PKP1: variants seen among roughly 807,000 people sequenced by gnomAD.
The protein encoded by PKP1 is plakophilin-1.
PKP1 carries 27 observed loss-of-function variants against 76.4 expected under a neutral mutation model. The ratio of observed to expected loss-of-function variants is 0.35; its 90% CI spans 0.26 to 0.49. The LOEUF is 0.49. PKP1 is among the 20% of genes least tolerant of loss of function. PKP1 has a pLI of 0.99. For missense variants in PKP1, 964 were observed against 955.2 expected, an observed-to-expected ratio of 1.01 and a Z score of -0.12; for synonymous variants, 404 against 384.2, an observed-to-expected ratio of 1.05 and a Z score of -0.60.
chr1:201,308,476 G>T (rs1244491059), intron 2 of PKP1, among the ~76,000 whole-genome samples: 2 of 152,210 alleles, frequency 1.3e-5, no homozygotes, highest in African/African-American at 4.8e-5. Context: ...AAGACCAGAG[G>T]CCCCTGGCTT....
chr1:201,315,588 T>C (rs1225959844), intron 3 of PKP1, among the ~76,000 whole-genome samples: 1 of 152,112 alleles, frequency 6.6e-6, no homozygotes, highest in Non-Finnish European at 1.5e-5. Context: ...CTGGCCAGGG[T>C]ACAGTGAAGG....
chr1:201,325,948 G>C (rs545848945), intron 12 of PKP1, 110 bp downstream of exon 12: 1 of 762,372 alleles, frequency 1.3e-6, no homozygotes, highest in South Asian at 1.5e-5. Flanking sequence ...CCTGCCCTTC[G>C]GGACAGTCTG....
chr1:201,296,198 G>A (rs1486499244), intron 2 of PKP1, among the ~76,000 whole-genome samples: 1 of 152,254 alleles, frequency 6.6e-6, no homozygotes, highest in Non-Finnish European at 1.5e-5. Context: ...AGATTTGGCA[G>A]AGGGAGGAGG....
chr1:201,313,748 C>T lies in PKP1; in HGVS notation c.701+188C>T, dbSNP rs1386565449. 2.0e-5 allele frequency among the ~76,000 whole-genome samples: 3 copies of T among 152,244 alleles called. No homozygotes were observed. In the East Asian group the frequency reaches 5.8e-4, roughly 29 times the overall value. ...GAACCTGGCCCCATGGGCCCTTGAACTCAAGAAGTTCTTAGTGTGAAGGTG... is the reference window on the plus strand; with the variant it reads ...GAACCTGGCCCCATGGGCCCTTGAATTCAAGAAGTTCTTAGTGTGAAGGTG... On this transcript the variant is annotated intron_variant, in intron 3 of 13. Transcript: ENST00000367324.
chr1:201,306,414 G>A (rs1003592746), intron 2 of PKP1, among the ~76,000 whole-genome samples: 1 of 152,226 alleles, frequency 6.6e-6, no homozygotes, highest in African/African-American at 2.4e-5. Context: ...TGGAGCCCAA[G>A]AGGCTAAGAT....
Position 201,331,231 on chromosome 1 carries a change from A to C in PKP1, c.*1190A>C, listed in dbSNP as rs1657313790. ...GACTAGGAAAGGAAAGTGCCATATC[A>C]GGGTACCGGTACCGGCAAGCTCACA... On this transcript the variant is annotated 3_prime_UTR_variant, in exon 14 of 14. Transcript: ENST00000367324. 6.6e-6 allele frequency: 1 copy of C among 152,260 alleles called. No individual in the cohort carries two copies. The highest frequency in any genetic ancestry group is 1.5e-5 in the Non-Finnish European group (1 of 68,112). The allele number at this position is 152,260 out of a possible 1,614,324, so 9.4% of individuals were successfully genotyped here. A position where few individuals can be genotyped will look rare whatever the true frequency, so the allele number is the denominator to read the frequency against.
intron 7 of PKP1, among the ~76,000 whole-genome samples, chr1:201,321,250 G>A (rs1468277782): frequency 6.6e-6 from 1 of 152,192 alleles, no homozygotes; most frequent in Non-Finnish European, 1.5e-5. Flanking sequence ...TCTGCTCTGT[G>A]TGCAATATCT....
chr1:201,324,867 G>A, intron 10 of PKP1, 74 bp from the exon 11 acceptor site: 2 of 1,413,590 alleles, frequency 1.4e-6, no homozygotes, highest in South Asian at 1.3e-5. Context: ...GAAGAGTGTG[G>A]CCCCAGAGGG....
intron 3 of PKP1, among the ~76,000 whole-genome samples, chr1:201,314,678 G>A (rs1656672219): frequency 6.6e-6 from 1 of 152,222 alleles, no homozygotes; most frequent in African/African-American, 2.4e-5. Context: ...AGGGCTGGGG[G>A]CTCCCTGAAC....
chr1:201,324,290 C>A, intron 9 of PKP1, 138 bp from the exon 10 acceptor site: 1 of 850,318 alleles, frequency 1.2e-6, no homozygotes. Flanking sequence ...CTGTAGTTGC[C>A]CACATGTGAG....
At chr1:201,297,431 A>T (rs758234877) in intron 2 of PKP1, among the ~76,000 whole-genome samples, 16 of 152,216 alleles carry the variant, frequency 1.1e-4, no homozygotes, top group Middle Eastern at 3.2e-3. Flanking sequence ...CTGGTTTCTC[A>T]GCTGCATACT....
Position 201,331,880 on chromosome 1 carries a change from G to T in PKP1, c.*1839G>T, listed in dbSNP as rs1250081426. 6.6e-6 allele frequency: 1 copy of T among 152,468 alleles called. No homozygotes were observed. Among genetic ancestry groups the T allele is most frequent in the East Asian group, 1.9e-4 (1 of 5,184 alleles). 9.4% of individuals were successfully genotyped at this position (152,468 alleles called of 1,614,324 possible). ...TCACCTCTCCCTCTCAGGGACCCAC[G>T]TGGGAGCCTGGATCCCTGGACTGTC... On this transcript the variant is annotated 3_prime_UTR_variant, in exon 14 of 14. Coordinates refer to ENST00000367324, the MANE Select transcript of PKP1 (RefSeq NM_001005337.3).
intron 6 of PKP1, chr1:201,319,988 C>T: frequency 8.2e-7 from 1 of 1,212,354 alleles, no homozygotes; most frequent in Non-Finnish European, 1.2e-6. Context: ...CAAATGAGAC[C>T]TCATTTCAGC....
chr1:201,303,228 G>T (rs1200156864), intron 2 of PKP1, among the ~76,000 whole-genome samples: 1 of 152,142 alleles, frequency 6.6e-6, no homozygotes, highest in East Asian at 1.9e-4. Flanking sequence ...ATATTGCCCA[G>T]GGTGGTCTTG....
intron 3 of PKP1, among the ~76,000 whole-genome samples, chr1:201,314,477 C>CA (rs994630516): frequency 1.3e-5 from 2 of 151,784 alleles, no homozygotes; most frequent in African/African-American, 4.9e-5. Flanking sequence ...AACAAACAAA[C>CA]AACAACAACA....
At chr1:201,299,914 C>T (rs1159830384) in intron 2 of PKP1, among the ~76,000 whole-genome samples, 3 of 152,214 alleles carry the variant, frequency 2.0e-5, no homozygotes, top group South Asian at 2.1e-4. Context: ...CAGTGCCTGC[C>T]GGGCCTCTCG....
rs1377375489 is a variant in PKP1 at position 201,321,119 on chromosome 1, GCA to G, written c.1347+741_1347+742del. 3.3e-4 allele frequency among the ~76,000 whole-genome samples: 50 copies of G among 152,292 alleles called. 1 individual carries two copies. Among genetic ancestry groups the G allele is most frequent in the Non-Finnish European group, 4.3e-4 (29 of 68,030 alleles). On this transcript the variant is annotated intron_variant, in intron 7 of 13. Coordinates refer to ENST00000367324, the MANE Select transcript of PKP1 (RefSeq NM_001005337.3). ...TGACATCACAGCACCTGGGTTCTCA[GCA>G]CAGTTGCCGTAAGGAGGGATTTTAT...
rs1195709277 is a variant in PKP1 at position 201,306,042 on chromosome 1, G to A, written c.307-7124G>A. On this transcript the variant is annotated intron_variant, in intron 2 of 13. Coordinates refer to ENST00000367324, the MANE Select transcript of PKP1 (RefSeq NM_001005337.3). ...CACTCGGGCTGTGAGAGCTGCGTCT[G>A]AAGTGGCAAACGCCTGCCAGGGATT... 3.9e-5 allele frequency among the ~76,000 whole-genome samples: 6 copies of A among 152,330 alleles called. No homozygotes were observed. In the East Asian group the frequency reaches 5.8e-4, roughly 15 times the overall value.
rs1558193245 is a variant in PKP1 at position 201,318,707 on chromosome 1, C to T, written c.1144C>T (p.Pro382Ser). ...LPVLADRVII[P>S]FSGWCDGNSN... ...TGTTCTGGCCGACCGCGTCATCATTCCCTTCTCTGGCTGGTGCGATGGCAA... is the reference window on the plus strand; with the variant it reads ...TGTTCTGGCCGACCGCGTCATCATTTCCTTCTCTGGCTGGTGCGATGGCAA... The change falls in exon 6 of 14, where the codon CCC becomes TCC. Residue 382 changes from proline to serine, a missense_variant. Physicochemically the swap from Pro to Ser is moderately conservative, Grantham distance 74. Transcript: ENST00000367324. 2 of 1,612,290 alleles carry T rather than the reference C, an allele frequency of 1.2e-6. No homozygotes were observed. Among genetic ancestry groups the T allele is most frequent in the African/African-American group, 1.3e-5 (1 of 74,986 alleles).
Sources: gnomAD v4.1 joint callset for allele counts (sites outside exome capture counted in the v4.1 genomes callset) on GRCh38, gnomAD v4.1.1 for gene constraint, MANE v1.5 for transcripts, NCBI Gene and HGNC (gene_info 2026-07-23, HGNC 2026-07-21) for gene names.